HECW2: variants seen among roughly 807,000 people sequenced by gnomAD.
HECW2 encodes the protein E3 ubiquitin-protein ligase HECW2.
HECW2 carries 61 observed loss-of-function variants against 175.2 expected under a neutral mutation model. The ratio of observed to expected loss-of-function variants is 0.35; its 90% CI spans 0.28 to 0.43. The LOEUF (loss-of-function observed/expected upper bound fraction) is 0.43. Among genes scored for constraint, HECW2 ranks in the 20% least tolerant of loss-of-function variants. The pLI is 1.00. For synonymous variants in HECW2, 671 were observed against 731.0 expected (o/e 0.92, Z 1.32); for missense variants, 1,524 against 2,000.5 (o/e 0.76, Z 4.54).
intron 1 of HECW2, among the ~76,000 whole-genome samples, chr2:196,571,147 T>C (rs773158181): frequency 1.8e-4 from 28 of 152,318 alleles, no homozygotes; most frequent in South Asian, 2.1e-4. Flanking sequence ...ACAAAAATAA[T>C]AACAAAGCAC....
intron 17 of HECW2, among the ~76,000 whole-genome samples, chr2:196,267,608 T>A (rs936710650): frequency 1.3e-5 from 2 of 151,948 alleles, no homozygotes; most frequent in African/African-American, 4.8e-5. Flanking sequence ...GAGCAGTGAT[T>A]TAAATACAGC....
In HECW2 at chr2:196,439,922, A is replaced by G. The variant is rs578246341; in HGVS notation, c.-35-6464T>C. ...TTAGTGACATGAAAAGAAAATATCA[A>G]TCAGGAATGTTTCAAAGGAAGAACA... On this transcript the variant is annotated intron_variant, in intron 1 of 28. Coordinates refer to ENST00000644978, the MANE Select transcript of HECW2 (RefSeq NM_001348768.2). Among the ~76,000 whole-genome samples, 7 of 152,318 alleles carry G rather than the reference A, an allele frequency of 4.6e-5. No individual in the cohort carries two copies. The South Asian group carries it at 1.5e-3, about 32-fold the overall frequency.
intron 1 of HECW2, among the ~76,000 whole-genome samples, chr2:196,571,848 A>C (rs1690401196): frequency 6.6e-6 from 1 of 152,252 alleles, no homozygotes; most frequent in Non-Finnish European, 1.5e-5. Flanking sequence ...TCATAGCAGC[A>C]TTAATCACAA....
At chr2:196,323,785 T>G (rs1478764691) in intron 6 of HECW2, among the ~76,000 whole-genome samples, 1 of 152,234 alleles carries the variant, frequency 6.6e-6, no homozygotes, top group Non-Finnish European at 1.5e-5. Flanking sequence ...AGGAAAATAG[T>G]TACTGCTTGT....
chr2:196,425,226 A>G (rs370265944), intron 2 of HECW2, among the ~76,000 whole-genome samples: 9 of 1,212 alleles, frequency 7.4e-3, no homozygotes, highest in Non-Finnish European at 0.026. Flanking sequence ...TACTGCTTGG[A>G]AAAAAAAAAA....
intron 14 of HECW2, among the ~76,000 whole-genome samples, chr2:196,285,127 C>G (rs1191797783): frequency 6.6e-6 from 1 of 152,096 alleles, no homozygotes; most frequent in African/African-American, 2.4e-5. Context: ...TTTAGTGAAG[C>G]CAAACAAAAT....
At chr2:196,241,832 C>A (rs1035608034) in intron 20 of HECW2, among the ~76,000 whole-genome samples, 7 of 152,176 alleles carry the variant, frequency 4.6e-5, no homozygotes, top group Admixed American at 2.0e-4. Context: ...AATAAATCAG[C>A]CTTTTATTTT....
rs1368284698 is a variant in HECW2 at position 196,311,661 on chromosome 2, G to A, written c.2435-3576C>T. On this transcript the variant is annotated intron_variant, in intron 10 of 28. Transcript: ENST00000644978. The stretch of plus-strand genomic sequence containing the variant: ...AAAATACAAAATTCAGCCAGGGGTG[G>A]TGGTGCATGCCTGTAATCCCAGCTA... Among the ~76,000 whole-genome samples, 3 of 152,146 alleles carry A rather than the reference G, an allele frequency of 2.0e-5. No individual in the cohort carries two copies. The East Asian group carries it at 5.8e-4, about 29-fold the overall frequency.
chr2:196,285,213 C>T (rs1297806406), intron 14 of HECW2, among the ~76,000 whole-genome samples: 1 of 152,050 alleles, frequency 6.6e-6, no homozygotes, highest in Non-Finnish European at 1.5e-5. Context: ...AAAGAAAAAG[C>T]CATCACTATT....
At chr2:196,401,928 C>A (rs928138062) in intron 2 of HECW2, among the ~76,000 whole-genome samples, 2 of 151,930 alleles carry the variant, frequency 1.3e-5, no homozygotes, top group African/African-American at 2.4e-5. Flanking sequence ...TTGCCAGGCG[C>A]GGTGGCTCAC....
intron 1 of HECW2, among the ~76,000 whole-genome samples, chr2:196,572,906 A>G (rs1021822928): frequency 2.0e-5 from 3 of 152,204 alleles, no homozygotes; most frequent in Non-Finnish European, 4.4e-5. Context: ...TGAGAAGTAA[A>G]TATCTGTTAT....
chr2:196,431,353 A>T (rs573270724), intron 2 of HECW2, among the ~76,000 whole-genome samples: 1 of 152,312 alleles, frequency 6.6e-6, no homozygotes, highest in South Asian at 2.1e-4. Context: ...CAGGGAAATA[A>T]AGCAAGTGTG....
intron 2 of HECW2, among the ~76,000 whole-genome samples, chr2:196,399,534 C>G (rs1386177920): frequency 6.6e-6 from 1 of 152,160 alleles, no homozygotes; most frequent in Non-Finnish European, 1.5e-5. Flanking sequence ...CAGCTCTTCC[C>G]CCAAGTTAAG....
chr2:196,374,946 A>G (rs777629581), intron 2 of HECW2, among the ~76,000 whole-genome samples: 8 of 151,996 alleles, frequency 5.3e-5, no homozygotes, highest in Non-Finnish European at 1.2e-4. Context: ...GCAGATCACA[A>G]GGTCAGGAGT....
chr2:196,491,853 T>C (rs538251881), intron 1 of HECW2, among the ~76,000 whole-genome samples: 2 of 151,982 alleles, frequency 1.3e-5, no homozygotes, highest in Non-Finnish European at 2.9e-5. Context: ...AGAAAAAAAA[T>C]TTATTTCCAA....
intron 15 of HECW2, among the ~76,000 whole-genome samples, chr2:196,277,133 C>T (rs1689986818): frequency 6.6e-6 from 1 of 152,160 alleles, no homozygotes; most frequent in Admixed American, 6.5e-5. Flanking sequence ...TGACTTAAGA[C>T]ATTTCTTTTA....
At chr2:196,496,145 C>G (rs1333915492) in intron 1 of HECW2, among the ~76,000 whole-genome samples, 1 of 151,966 alleles carries the variant, frequency 6.6e-6, no homozygotes, top group Non-Finnish European at 1.5e-5. Context: ...AATTCTAGAT[C>G]TGCTTTAAAA....
chr2:196,566,792 G>A (rs1315549744), intron 1 of HECW2, among the ~76,000 whole-genome samples: 1 of 146,972 alleles, frequency 6.8e-6, no homozygotes, highest in Non-Finnish European at 1.5e-5. Context: ...GCCTCAAAGT[G>A]ATCTGCCTTC....
rs117062358 is a variant in HECW2 at position 196,384,454 on chromosome 2, C to T, written c.293-40690G>A. On this transcript the variant is annotated intron_variant, in intron 2 of 28. Coordinates refer to ENST00000644978, the MANE Select transcript of HECW2 (RefSeq NM_001348768.2). The stretch of plus-strand genomic sequence containing the variant: ...AAAATTAACCAAGCATGGTGGCATC[C>T]GCCTGCAGTCCCAGATACTCATGAG... Among the ~76,000 whole-genome samples, 831 of 152,048 alleles carry T rather than the reference C, an allele frequency of 5.5e-3. 8 individuals carry two copies. Among genetic ancestry groups the T allele is most frequent in the Middle Eastern group, 0.021 (6 of 292 alleles).
Sources: allele counts gnomAD v4.1 joint callset (sites outside exome capture counted in the v4.1 genomes callset), GRCh38; gene constraint gnomAD v4.1.1; transcripts MANE v1.5; gene names NCBI Gene and HGNC (gene_info 2026-07-23, HGNC 2026-07-21).